The following ITGAD variants were observed in gnomAD, a reference collection of about 807,000 sequenced individuals.
ITGAD encodes the protein integrin subunit alpha D.
ITGAD carries 105 observed loss-of-function variants against 139.0 expected under a neutral mutation model. That is an observed-to-expected ratio of 0.76 (90% CI 0.65 to 0.89). ITGAD has a LOEUF of 0.89. Among genes scored for constraint, ITGAD ranks in the 40% least tolerant of loss-of-function variants. The pLI, the probability that ITGAD is intolerant of heterozygous loss-of-function variation, is 0.00. For missense variants in ITGAD, 1,384 were observed against 1,487.3 expected, an observed-to-expected ratio of 0.93 and a Z score of 1.14; for synonymous variants, 569 against 598.3, an observed-to-expected ratio of 0.95 and a Z score of 0.71.
intron 23 of ITGAD, among the ~76,000 whole-genome samples, chr16:31,420,799 C>T (rs942508267): frequency 6.6e-5 from 10 of 152,202 alleles, no homozygotes; most frequent in South Asian, 2.1e-4. Context: ...GTCTTGAACT[C>T]GTGACCTCAG....
At chr16:31,423,678 A>G (rs1253754367) in intron 26 of ITGAD, 30 bp downstream of exon 26, 3 of 1,596,024 alleles carry the variant, frequency 1.9e-6, no homozygotes, top group Non-Finnish European at 2.6e-6. Context: ...CCCACCGCCA[A>G]GATCAGCCCC....
intron 4 of ITGAD, 35 bp downstream of exon 4, chr16:31,397,701 T>TGGGGGGGGG: frequency 3.9e-6 from 1 of 259,072 alleles, no homozygotes; most frequent in Non-Finnish European, 6.5e-6. Context: ...GGGGGTGGGG[T>TGGGGGGGGG]GGGGCGGGGG....
Position 31,414,995 on chromosome 16 carries a change from A to C in ITGAD, c.2283+4A>C. 4 of 1,613,826 alleles carry C rather than the reference A, an allele frequency of 2.5e-6. No individual in the cohort carries two copies. The highest frequency in any genetic ancestry group is 3.4e-6 in the Non-Finnish European group (4 of 1,179,912). On this transcript the variant is annotated splice_donor_region_variant and intron_variant, in intron 18 of 29. Coordinates refer to ENST00000389202, the MANE Select transcript of ITGAD (RefSeq NM_005353.3). ...ACAAGACCTCTTCACTGCTTCTGTG[A>C]GTCTTCTGATGAAGTCCCAGGGATG...
chr16:31,407,023 T>A (rs965375182), intron 7 of ITGAD, among the ~76,000 whole-genome samples: 6 of 152,346 alleles, frequency 3.9e-5, no homozygotes, highest in African/African-American at 7.2e-5. Context: ...TGACTTTTTT[T>A]ATTATTGATC....
chr16:31,423,865 C>A lies in ITGAD; in HGVS notation c.3066C>A (p.Cys1022Ter), dbSNP rs150937482. ...SPMLDCSIAD[C>*]LQFRCDVPSF... Reference sequence around the variant, plus strand: ...CCCAGGACTGCTCCATTGCTGACTGCCTGCAGTTCCGCTGTGACGTCCCCT... The same window carrying A: ...CCCAGGACTGCTCCATTGCTGACTGACTGCAGTTCCGCTGTGACGTCCCCT... Residue 1022 changes from cysteine to a stop codon, truncating the protein, a stop_gained, in exon 27 of 30, where the codon TGC becomes TGA. Coordinates refer to ENST00000389202, the MANE Select transcript of ITGAD (RefSeq NM_005353.3). LOFTEE classifies it high-confidence loss of function. 134 of 1,614,142 alleles carry A rather than the reference C, an allele frequency of 8.3e-5. No homozygotes were observed. Among genetic ancestry groups the A allele is most frequent in the African/African-American group, 1.1e-4 (8 of 74,942 alleles).
intron 23 of ITGAD, among the ~76,000 whole-genome samples, chr16:31,419,961 C>T (rs1327966993): frequency 6.6e-6 from 1 of 152,110 alleles, no homozygotes; most frequent in African/African-American, 2.4e-5. Flanking sequence ...GCTGGTGGGA[C>T]ACACACACAT....
intron 23 of ITGAD, among the ~76,000 whole-genome samples, chr16:31,421,434 G>C (rs1490139735): frequency 1.3e-5 from 2 of 150,494 alleles, no homozygotes; most frequent in Non-Finnish European, 3.0e-5. Flanking sequence ...GACCAGCCTG[G>C]GCAACATAGT....
Position 31,397,482 on chromosome 16 carries a change from T to A in ITGAD, c.241+20T>A, listed in dbSNP as rs774087170. The A allele has an allele frequency of 6.3e-7, 1 of 1,583,232 alleles. No homozygotes were observed. On this transcript the variant is annotated intron_variant, in intron 3 of 29. Transcript: ENST00000389202. ...TGCACAGTGAGTGACCACCTGGGAA[T>A]TGGGCCCCTCAACCCTCCTGGACCC...
At chr16:31,416,085 T>G in intron 18 of ITGAD, 128 bp from the exon 19 acceptor site, 6 of 629,732 alleles carry the variant, frequency 9.5e-6, no homozygotes, top group Non-Finnish European at 1.1e-5. Flanking sequence ...CTGCGCCCCT[T>G]GTTGGTGTCC....
At chr16:31,416,131 A>C in intron 18 of ITGAD, 82 bp from the exon 19 acceptor site, 1 of 1,155,316 alleles carries the variant, frequency 8.7e-7, no homozygotes, top group Non-Finnish European at 1.3e-6. Context: ...AGTAATGCTC[A>C]ATGTTGGAGA....
chr16:31,412,847 A>G lies in ITGAD; in HGVS notation c.1717A>G (p.Ser573Gly), dbSNP rs770643196. 6.2e-7 allele frequency: 1 copy of G among 1,613,840 alleles called. No individual in the cohort carries two copies. Among genetic ancestry groups the G allele is most frequent in the Non-Finnish European group, 8.5e-7 (1 of 1,179,980 alleles). ...TTTCTCTTCTGGCCAGCGGATTGCC[A>G]GCTCCCAGCTCTCCCCCAGGCTGCA... is the stretch of plus-strand genomic sequence containing the variant. ...ISPSHSQRIA[S>G]SQLSPRLQYF... Residue 573 changes from serine to glycine, a missense_variant, in exon 15 of 30, where the codon AGC (serine) becomes GGC (glycine). Physicochemically the swap from Ser to Gly is moderately conservative, Grantham distance 56 (BLOSUM62 0). Coordinates refer to ENST00000389202, the MANE Select transcript of ITGAD (RefSeq NM_005353.3).
At chr16:31,419,994 C>T (rs564862392) in intron 23 of ITGAD, among the ~76,000 whole-genome samples, 4 of 152,260 alleles carry the variant, frequency 2.6e-5, no homozygotes, top group Non-Finnish European at 5.9e-5. Context: ...GCCTTTCCCC[C>T]TCTCCCTCTA....
intron 6 of ITGAD, 41 bp downstream of exon 6, chr16:31,402,286 G>A: frequency 6.7e-7 from 1 of 1,498,896 alleles, no homozygotes; most frequent in Non-Finnish European, 9.2e-7. Context: ...GGGGGACGGG[G>A]GAGGCTGGCC....
At chr16:31,400,514 TG>T (rs2142630615) in intron 5 of ITGAD, among the ~76,000 whole-genome samples, 1 of 152,286 alleles carries the variant, frequency 6.6e-6, no homozygotes, top group African/African-American at 2.4e-5. Flanking sequence ...CCCATGAGCC[TG>T]GGGACAGCAT....
At chr16:31,396,363 G>C (rs2081263927) in intron 2 of ITGAD, among the ~76,000 whole-genome samples, 1 of 152,118 alleles carries the variant, frequency 6.6e-6, no homozygotes, top group Non-Finnish European at 1.5e-5. Context: ...ATCCCAGCTA[G>C]CTGGGTGACT....
chr16:31,400,632 T>C (rs898842018), intron 5 of ITGAD, among the ~76,000 whole-genome samples: 1 of 151,768 alleles, frequency 6.6e-6, no homozygotes, highest in African/African-American at 2.4e-5. Context: ...TGAGACGGAG[T>C]CTCACTCTGT....
chr16:31,416,624 ACCGAC>A lies in ITGAD; in HGVS notation c.2478_2482del (p.His826GlnfsTer19). 1 of 1,610,962 alleles carries A rather than the reference ACCGAC, an allele frequency of 6.2e-7. No homozygotes were observed. The highest frequency in any genetic ancestry group is 1.1e-5 in the South Asian group (1 of 91,012). ...CTCTACTATCCAGCAGGGCTGTCGCACCGACGGGTGTCAGGAGCCCAGGTAACAAC... is the reference window on the plus strand; with the variant it reads ...CTCTACTATCCAGCAGGGCTGTCGCAGGGTGTCAGGAGCCCAGGTAACAAC... On this transcript the variant is annotated frameshift_variant, in exon 20 of 30. Coordinates refer to ENST00000389202, the MANE Select transcript of ITGAD (RefSeq NM_005353.3). LOFTEE classifies it high-confidence loss of function.
chr16:31,411,469 C>T lies in ITGAD; in HGVS notation c.1659C>T (p.Tyr553=), dbSNP rs776475000. ...AGCAGGAGAACCGGGGTGCTGTCTA[C>T]CTGTTTCACGGAGCCTCAGAATCCG... ...PGEQENRGAV[Y]LFHGASESGI... is the part of the protein sequence containing the mutation. Residue 553 remains tyrosine (Y), a synonymous_variant, in exon 14 of 30, where the codon TAC becomes TAT. Transcript: ENST00000389202. The T allele has an allele frequency of 3.7e-6, 6 of 1,614,110 alleles. No individual in the cohort carries two copies. The Admixed American group carries it at 8.3e-5, about 22-fold the overall frequency.
chr16:31,416,553 G>C lies in ITGAD; in HGVS notation c.2406G>C (p.Val802=), dbSNP rs372195949. 30 of 1,613,736 alleles carry C rather than the reference G, an allele frequency of 1.9e-5. No homozygotes were observed. Among genetic ancestry groups the C allele is most frequent in the Non-Finnish European group, 2.5e-5 (30 of 1,179,794 alleles). Residue 802 remains valine (V), a synonymous_variant, in exon 20 of 30, where the codon GTG becomes GTC. Transcript: ENST00000389202. ...VGSSLELNVI[V]TVWNAGEDSY... Reference sequence around the variant, plus strand: ...GCTCCCTGGAGCTCAACGTGATTGTGACTGTGTGGAACGCAGGTGAGGATT... The same window carrying C: ...GCTCCCTGGAGCTCAACGTGATTGTCACTGTGTGGAACGCAGGTGAGGATT...
Sources: allele counts gnomAD v4.1 joint callset (sites outside exome capture counted in the v4.1 genomes callset), GRCh38; gene constraint gnomAD v4.1.1; transcripts MANE v1.5; gene names NCBI Gene and HGNC (gene_info 2026-07-23, HGNC 2026-07-21).